The following STXBP6 variants were observed in gnomAD, a reference collection of about 807,000 sequenced individuals.
STXBP6 encodes syntaxin binding protein 6.
STXBP6 carries 21 observed loss-of-function variants against 26.9 expected under a neutral mutation model. The ratio of observed to expected loss-of-function variants is 0.78; its 90% confidence interval spans 0.55 to 1.12. STXBP6 has a LOEUF of 1.12. Among genes scored for constraint, STXBP6 ranks in the 50% most tolerant of loss-of-function variants. STXBP6 has a pLI of 0.00. For missense variants in STXBP6, 232 were observed against 257.9 expected (o/e 0.90, Z 0.69); for synonymous variants, 97 against 92.6 (o/e 1.05, Z -0.27).
intron 1 of STXBP6, among the ~76,000 whole-genome samples, chr14:24,985,771 T>C (rs1421207900): frequency 6.6e-6 from 1 of 152,216 alleles, no homozygotes; most frequent in African/African-American, 2.4e-5. Flanking sequence ...ACCAGCAGCT[T>C]ACACCTCAGT....
chr14:24,821,438 T>C (rs142855763), intron 4 of STXBP6, among the ~76,000 whole-genome samples: 1 of 152,334 alleles, frequency 6.6e-6, no homozygotes, highest in East Asian at 1.9e-4. Flanking sequence ...CACTCAGTTT[T>C]ATATGATACT....
intron 4 of STXBP6, among the ~76,000 whole-genome samples, chr14:24,843,272 T>C (rs1212922723): frequency 1.3e-5 from 2 of 152,224 alleles, no homozygotes; most frequent in African/African-American, 4.8e-5. Flanking sequence ...TCACAGGCTT[T>C]TTTCCTGGAA....
chr14:24,811,134 T>G lies in STXBP6; in HGVS notation c.*1575A>C, dbSNP rs2067811777. On this transcript the variant is annotated 3_prime_UTR_variant, in exon 6 of 6. Transcript: ENST00000323944. ...ATCTAAAAGGATTCTGAAATCTGTCTCCGACAAATCTCATCTCCCTTTTAA... is the reference window on the plus strand; with the variant it reads ...ATCTAAAAGGATTCTGAAATCTGTCGCCGACAAATCTCATCTCCCTTTTAA... The G allele has an allele frequency of 6.6e-6, 1 of 152,126 alleles. No homozygotes were observed. 9.4% of individuals were successfully genotyped at this position (152,126 alleles called of 1,614,324 possible). A position where few individuals can be genotyped will look rare whatever the true frequency, so the allele number is the denominator to read the frequency against.
At chr14:25,025,266 A>T (rs1237984030) in intron 1 of STXBP6, among the ~76,000 whole-genome samples, 3 of 152,278 alleles carry the variant, frequency 2.0e-5, no homozygotes, top group Admixed American at 6.5e-5. Context: ...ATAAGTGCAC[A>T]TAATGAGATA....
At chr14:24,956,844 T>C (rs918114484) in intron 2 of STXBP6, among the ~76,000 whole-genome samples, 1 of 152,148 alleles carries the variant, frequency 6.6e-6, no homozygotes, top group Non-Finnish European at 1.5e-5. Flanking sequence ...GCACTTCGGG[T>C]GTCAACAGGT....
intron 1 of STXBP6, among the ~76,000 whole-genome samples, chr14:25,040,337 A>G (rs769059487): frequency 9.9e-5 from 15 of 152,198 alleles, no homozygotes; most frequent in South Asian, 2.1e-4. Context: ...GTCTGCTCTC[A>G]TTTCTCTGCA....
intron 4 of STXBP6, among the ~76,000 whole-genome samples, chr14:24,839,993 A>G (rs1345897594): frequency 1.3e-5 from 2 of 152,224 alleles, no homozygotes; most frequent in East Asian, 3.9e-4. Flanking sequence ...TTATCATGTG[A>G]TATGTTTTAG....
chr14:25,036,750 G>A (rs1465671026), intron 1 of STXBP6, among the ~76,000 whole-genome samples: 1 of 151,658 alleles, frequency 6.6e-6, no homozygotes, highest in Non-Finnish European at 1.5e-5. Flanking sequence ...CAGCTACTCA[G>A]GAGGCTGAGG....
intron 2 of STXBP6, among the ~76,000 whole-genome samples, chr14:24,946,212 G>T (rs1595164722): frequency 1.3e-5 from 2 of 152,150 alleles, no homozygotes; most frequent in Admixed American, 1.3e-4. Flanking sequence ...TCTATATTCT[G>T]GGCAGTTTCT....
At chr14:24,963,652 A>T (rs947665111) in intron 2 of STXBP6, among the ~76,000 whole-genome samples, 2 of 152,198 alleles carry the variant, frequency 1.3e-5, no homozygotes, top group Non-Finnish European at 2.9e-5. Context: ...GCATCTGGGG[A>T]AAGCTTTGAC....
At chr14:24,992,944 CCA>C (rs991802918) in intron 1 of STXBP6, among the ~76,000 whole-genome samples, 8 of 152,198 alleles carry the variant, frequency 5.3e-5, no homozygotes, top group African/African-American at 1.9e-4. Context: ...TTCTGGGACT[CCA>C]CACACTCCGG....
chr14:24,926,817 G>T (rs1479328818), intron 2 of STXBP6, among the ~76,000 whole-genome samples: 4 of 152,016 alleles, frequency 2.6e-5, no homozygotes, highest in Non-Finnish European at 4.4e-5. Flanking sequence ...TCTGTAAAAA[G>T]AAAGCAATAA....
intron 2 of STXBP6, among the ~76,000 whole-genome samples, chr14:24,864,357 T>C (rs1379388804): frequency 6.6e-6 from 1 of 152,174 alleles, no homozygotes; most frequent in Non-Finnish European, 1.5e-5. Context: ...GAAAATGTCA[T>C]ACGTGGTAGA....
intron 5 of STXBP6, among the ~76,000 whole-genome samples, chr14:24,813,547 C>T (rs1401714688): frequency 1.3e-5 from 2 of 152,188 alleles, no homozygotes; most frequent in African/African-American, 2.4e-5. Context: ...CTCCATGTAT[C>T]CAGAGTCTGA....
intron 2 of STXBP6, among the ~76,000 whole-genome samples, chr14:24,965,365 A>G (rs946509174): frequency 1.6e-5 from 2 of 128,734 alleles, no homozygotes; most frequent in Admixed American, 1.5e-4. Flanking sequence ...AAATGTCTTG[A>G]GTCTGTTCCT....
chr14:24,986,960 C>T (rs1218119138), intron 1 of STXBP6, among the ~76,000 whole-genome samples: 1 of 152,196 alleles, frequency 6.6e-6, no homozygotes, highest in Non-Finnish European at 1.5e-5. Flanking sequence ...TCAGGCTCTG[C>T]TCTATTCAAT....
intron 2 of STXBP6, among the ~76,000 whole-genome samples, chr14:24,945,138 AAT>A (rs2072937422): frequency 2.4e-5 from 1 of 41,828 alleles, no homozygotes; most frequent in Admixed American, 1.7e-4. Flanking sequence ...ACCAATTAGG[AAT>A]TTTTTTTTTT....
At chr14:24,817,828 C>G (rs1186646500) in intron 5 of STXBP6, 5 of 329,894 alleles carry the variant, frequency 1.5e-5, no homozygotes, top group South Asian at 1.2e-4. Flanking sequence ...TGAAGGAACT[C>G]GAAATGGGCC....
At chr14:24,895,560 T>A (rs1241590) in intron 2 of STXBP6, among the ~76,000 whole-genome samples, 51,316 of 152,028 alleles carry the variant, frequency 0.34, 8,776 homozygotes, top group African/African-American at 0.41. Context: ...TGCCAAATGC[T>A]TTCTAGTAGA....
Sources: allele counts gnomAD v4.1 joint callset (sites outside exome capture counted in the v4.1 genomes callset), GRCh38; gene constraint gnomAD v4.1.1; transcripts MANE v1.5; gene names NCBI Gene and HGNC (gene_info 2026-07-23, HGNC 2026-07-21).